The following ROBO2 variants were observed in gnomAD, a reference collection of about 807,000 sequenced individuals.
ROBO2 encodes roundabout homolog 2.
A neutral mutation model predicts 160.8 loss-of-function variants in ROBO2; 53 were observed. That is an observed-to-expected ratio of 0.33 (90% CI 0.26 to 0.41). ROBO2 has a LOEUF of 0.41. Ranked by LOEUF, ROBO2 falls within the 10% of genes least tolerant of loss-of-function variation. ROBO2 has a pLI of 1.00. For synonymous variants in ROBO2, 664 were observed against 611.7 expected (o/e 1.09, Z -1.26); for missense variants, 1,577 against 1,722.4 (o/e 0.92, Z 1.49).
intron 2 of ROBO2, among the ~76,000 whole-genome samples, chr3:76,382,511 C>T (rs1258326094): frequency 6.6e-6 from 1 of 152,146 alleles, no homozygotes; most frequent in African/African-American, 2.4e-5. Flanking sequence ...GGCGTGAACC[C>T]GGGAGGCGGA....
chr3:77,649,127 G>T (rs2095432212), exon 26 of ROBO2: 1 of 152,120 alleles, frequency 6.6e-6, no homozygotes, highest in Non-Finnish European at 1.5e-5. Flanking sequence ...GAAAAGAATT[G>T]ATTCCTTCAC....
chr3:77,292,362 A>G (rs1428712921), intron 2 of ROBO2, among the ~76,000 whole-genome samples: 2 of 151,990 alleles, frequency 1.3e-5, no homozygotes, highest in Non-Finnish European at 2.9e-5. Context: ...ATTGACGGTT[A>G]AATGGGTAAG....
chr3:77,360,783 C>A (rs2069855867), intron 2 of ROBO2, among the ~76,000 whole-genome samples: 1 of 152,116 alleles, frequency 6.6e-6, no homozygotes, highest in Non-Finnish European at 1.5e-5. Context: ...GGCCCCATCT[C>A]CACATTTTCA....
At chr3:77,098,330 G>C (rs1472578374) in exon 2 of ROBO2, 2 of 1,614,164 alleles carry the variant, frequency 1.2e-6, no homozygotes, top group Non-Finnish European at 1.7e-6. Flanking sequence ...ATGCGTCTCT[G>C]GAAGTGGCAT....
intron 2 of ROBO2, among the ~76,000 whole-genome samples, chr3:76,414,072 G>A (rs1331279529): frequency 2.0e-5 from 2 of 99,016 alleles, no homozygotes; most frequent in East Asian, 2.2e-4. Flanking sequence ...CCCCTGATAA[G>A]CCCATCAGAT....
At chr3:76,185,195 G>GATATATATATATATAT (rs1219580267) in intron 2 of ROBO2, among the ~76,000 whole-genome samples, 854 of 44,188 alleles carry the variant, frequency 0.019, 22 homozygotes, top group African/African-American at 0.041. Flanking sequence ...AGTAAACACA[G>GATATATATATATATAT]ATATATATAT....
intron 2 of ROBO2, among the ~76,000 whole-genome samples, chr3:77,214,372 G>A (rs2084629032): frequency 6.6e-6 from 1 of 152,130 alleles, no homozygotes; most frequent in Admixed American, 6.6e-5. Flanking sequence ...TTGGTTTAAA[G>A]TCTGTTTAAG....
rs1284894341 is a variant in ROBO2 at position 77,294,834 on chromosome 3, A to G, written c.389-182580A>G. On this transcript the variant is annotated intron_variant, in intron 2 of 25. Transcript: ENST00000461745. ...TCACCCCAGACATAAAGTAAAATTAATGGTTAAACGGGAAGTTGAGGCTAG... is the reference window on the plus strand; with the variant it reads ...TCACCCCAGACATAAAGTAAAATTAGTGGTTAAACGGGAAGTTGAGGCTAG... 1.3e-5 allele frequency among the ~76,000 whole-genome samples: 2 copies of G among 151,266 alleles called. 1 individual carries two copies. Among genetic ancestry groups the G allele is most frequent in the Non-Finnish European group, 2.9e-5 (2 of 67,848 alleles).
intron 2 of ROBO2, among the ~76,000 whole-genome samples, chr3:76,555,352 G>GAAGAAGAAGAA (rs1560140349): frequency 2.8e-4 from 10 of 35,828 alleles, no homozygotes; most frequent in South Asian, 1.6e-3. Context: ...AGGAAGAGTA[G>GAAGAAGAAGAA]GAAGAGAGAA....
At chr3:76,871,409 C>T (rs2072048671) in intron 2 of ROBO2, among the ~76,000 whole-genome samples, 1 of 151,130 alleles carries the variant, frequency 6.6e-6, no homozygotes, top group Non-Finnish European at 1.5e-5. Flanking sequence ...AAAAAATTAG[C>T]CGGGCGTAGT....
chr3:76,330,886 G>T (rs192934395), intron 2 of ROBO2, among the ~76,000 whole-genome samples: 6 of 152,196 alleles, frequency 3.9e-5, no homozygotes, highest in African/African-American at 1.4e-4. Flanking sequence ...CTGATTGATG[G>T]TTTACTACCT....
At chr3:76,977,491 G>A (rs1241789496) in intron 2 of ROBO2, among the ~76,000 whole-genome samples, 2 of 152,102 alleles carry the variant, frequency 1.3e-5, no homozygotes, top group African/African-American at 4.8e-5. Context: ...ACTAACATGG[G>A]TGCTGGTGCA....
chr3:76,724,482 G>A (rs2093516016), intron 2 of ROBO2, among the ~76,000 whole-genome samples: 1 of 152,122 alleles, frequency 6.6e-6, no homozygotes, highest in Non-Finnish European at 1.5e-5. Flanking sequence ...TTAATACACT[G>A]CTTACCAGCT....
chr3:76,797,250 T>A (rs1279464112), intron 2 of ROBO2, among the ~76,000 whole-genome samples: 1 of 152,138 alleles, frequency 6.6e-6, no homozygotes, highest in African/African-American at 2.4e-5. Context: ...TCAAGATTCT[T>A]CTCTGACCAC....
chr3:77,398,561 C>G (rs2075502638), intron 2 of ROBO2, among the ~76,000 whole-genome samples: 1 of 151,886 alleles, frequency 6.6e-6, no homozygotes. Flanking sequence ...TGGATTTTTA[C>G]TAGGCCTCTT....
intron 20 of ROBO2, among the ~76,000 whole-genome samples, chr3:77,606,234 A>G (rs577807564): frequency 4.6e-5 from 7 of 152,266 alleles, no homozygotes; most frequent in Admixed American, 4.6e-4. Flanking sequence ...AAAAGAACAC[A>G]AATGAGTGGC....
intron 5 of ROBO2, among the ~76,000 whole-genome samples, chr3:77,513,527 A>G (rs1349008820): frequency 6.6e-6 from 1 of 151,872 alleles, no homozygotes; most frequent in African/African-American, 2.4e-5. Flanking sequence ...TTTTTCTTAA[A>G]ACATACTTAA....
In ROBO2 at chr3:76,273,058, A is replaced by C. The variant is rs528192838; in HGVS notation, c.109+335456A>C. Among the ~76,000 whole-genome samples the C allele has an allele frequency of 6.0e-3, 636 of 105,226 alleles. 2 individuals carry two copies. Among genetic ancestry groups the C allele is most frequent in the Non-Finnish European group, 9.0e-3 (501 of 55,890 alleles). The allele number at this position is 105,226 out of a possible 152,430, so 69.0% of individuals were successfully genotyped here. On this transcript the variant is annotated intron_variant, in intron 2 of 26. Transcript: ENST00000487694. ...TATAAAATATATATTATATAAATAT[A>C]TAAAAAATATATATAAATATAATAT...
intron 2 of ROBO2, among the ~76,000 whole-genome samples, chr3:77,218,617 C>A (rs572223768): frequency 6.6e-6 from 1 of 152,052 alleles, no homozygotes; most frequent in South Asian, 2.1e-4. Flanking sequence ...TTTGATCCAC[C>A]CACCTTGGCC....
Sources: gnomAD v4.1 joint callset for allele counts (sites outside exome capture counted in the v4.1 genomes callset) on GRCh38, gnomAD v4.1.1 for gene constraint, MANE v1.5 for transcripts, NCBI Gene and HGNC (gene_info 2026-07-23, HGNC 2026-07-21) for gene names.